CTNNA3: variants seen among roughly 807,000 people sequenced by gnomAD.
The protein encoded by CTNNA3 is catenin alpha-3.
In CTNNA3, 76 loss-of-function variants were observed where a neutral mutation model predicts 95.7. The ratio of observed to expected loss-of-function variants is 0.79; its 90% CI spans 0.66 to 0.96. The LOEUF (loss-of-function observed/expected upper bound fraction) is 0.96. Among genes scored for constraint, CTNNA3 ranks in the 40% least tolerant of loss-of-function variants. CTNNA3 has a pLI of 0.00. For synonymous variants in CTNNA3, 431 were observed against 374.4 expected (o/e 1.15, Z -1.74); for missense variants, 1,191 against 1,089.8 (o/e 1.09, Z -1.31).
chr10:66,229,440 TC>T (rs1469830795), intron 13 of CTNNA3, among the ~76,000 whole-genome samples: 1 of 152,206 alleles, frequency 6.6e-6, no homozygotes, highest in Non-Finnish European at 1.5e-5. Flanking sequence ...TTTTTGCTTG[TC>T]TAAAAAAGAT....
chr10:66,127,129 A>C (rs1328683793), intron 13 of CTNNA3, among the ~76,000 whole-genome samples: 1 of 151,946 alleles, frequency 6.6e-6, no homozygotes, highest in Non-Finnish European at 1.5e-5. Context: ...AAAATTAGCC[A>C]GGCTTGGTGG....
intron 5 of CTNNA3, among the ~76,000 whole-genome samples, chr10:67,407,591 A>G (rs1302503807): frequency 2.0e-5 from 3 of 152,204 alleles, no homozygotes; most frequent in African/African-American, 7.2e-5. Flanking sequence ...AAAAGAAATA[A>G]TGTGTATTCA....
intron 13 of CTNNA3, among the ~76,000 whole-genome samples, chr10:66,186,149 C>G (rs1042341059): frequency 2.0e-5 from 3 of 151,968 alleles, no homozygotes; most frequent in African/African-American, 7.2e-5. Context: ...AGAGAACTGA[C>G]AAGTGTTTGA....
chr10:66,069,412 A>G lies in CTNNA3; in HGVS notation c.2055T>C (p.Ser685=). ...EQVADFKKVK[S]KLDAEIEIWD... The stretch of plus-strand genomic sequence containing the variant: ...ATATCTCAATCTCAGCATCCAGCTT[A>G]CTCTTTACTTTCTTGAAATCAGCAA... The change falls in exon 15 of 18, where the codon AGT becomes AGC. Residue 685 remains serine (S), a synonymous_variant. Transcript: ENST00000433211. The G allele has an allele frequency of 6.2e-7, 1 of 1,613,474 alleles. No homozygotes were observed.
intron 11 of CTNNA3, among the ~76,000 whole-genome samples, chr10:66,477,022 A>G (rs1207306053): frequency 1.3e-5 from 2 of 152,124 alleles, no homozygotes; most frequent in Non-Finnish European, 2.9e-5. Flanking sequence ...GCTTTGATAT[A>G]GTCTGATATT....
intron 7 of CTNNA3, among the ~76,000 whole-genome samples, chr10:67,007,629 C>T (rs560373490): frequency 6.6e-6 from 1 of 151,922 alleles, no homozygotes; most frequent in Non-Finnish European, 1.5e-5. Flanking sequence ...GAAACCCTTG[C>T]CAGTGTTTCC....
rs146759603 is a variant in CTNNA3 at position 65,938,455 on chromosome 10, C to A, written c.2401-17838G>T. ...AGAATCAATTTGTCACATCTATAACCTTGACACTATTGAAAATAAGTATAT... is the reference window on the plus strand; with the variant it reads ...AGAATCAATTTGTCACATCTATAACATTGACACTATTGAAAATAAGTATAT... On this transcript the variant is annotated intron_variant, in intron 17 of 17. Transcript: ENST00000433211. 6.0e-4 allele frequency among the ~76,000 whole-genome samples: 91 copies of A among 152,254 alleles called. 1 individual carries two copies. The highest frequency in any genetic ancestry group is 2.1e-3 in the African/African-American group (88 of 41,550).
intron 11 of CTNNA3, among the ~76,000 whole-genome samples, chr10:66,442,061 C>T (rs941997666): frequency 6.6e-6 from 1 of 152,122 alleles, no homozygotes; most frequent in Non-Finnish European, 1.5e-5. Context: ...CCTCTTTCTC[C>T]TGGGGTTCTG....
chr10:66,595,056 C>T (rs1843667387), intron 10 of CTNNA3, among the ~76,000 whole-genome samples: 1 of 151,928 alleles, frequency 6.6e-6, no homozygotes, highest in African/African-American at 2.4e-5. Flanking sequence ...GCCCTCAACC[C>T]CCAGAAGAAA....
intron 11 of CTNNA3, among the ~76,000 whole-genome samples, chr10:66,496,007 G>A (rs2131950088): frequency 6.6e-6 from 1 of 152,254 alleles, no homozygotes; most frequent in Non-Finnish European, 1.5e-5. Context: ...CCACCATGCA[G>A]TAATGACAAC....
At chr10:66,115,586 TAGATAG>T (rs71035111) in intron 13 of CTNNA3, among the ~76,000 whole-genome samples, 14,481 of 118,100 alleles carry the variant, frequency 0.12, 1,091 homozygotes, top group African/African-American at 0.21. Flanking sequence ...AGATGATAGA[TAGATAG>T]AGATAGAGAT....
At chr10:67,123,412 G>C (rs982821419) in intron 7 of CTNNA3, among the ~76,000 whole-genome samples, 5 of 152,106 alleles carry the variant, frequency 3.3e-5, no homozygotes, top group African/African-American at 1.2e-4. Context: ...AAATAGCAGA[G>C]TCAATTCACC....
chr10:67,242,583 T>A (rs770758289), intron 5 of CTNNA3, among the ~76,000 whole-genome samples: 1 of 152,186 alleles, frequency 6.6e-6, no homozygotes, highest in Non-Finnish European at 1.5e-5. Flanking sequence ...TCAGATCCAA[T>A]TGACCAAACC....
chr10:66,115,686 G>A (rs944458849), intron 13 of CTNNA3, among the ~76,000 whole-genome samples: 1 of 152,040 alleles, frequency 6.6e-6, no homozygotes, highest in Non-Finnish European at 1.5e-5. Flanking sequence ...TAAGCTGCCA[G>A]GTATAGTATC....
intron 6 of CTNNA3, among the ~76,000 whole-genome samples, chr10:67,187,888 C>G (rs183892988): frequency 5.6e-4 from 85 of 152,134 alleles, no homozygotes; most frequent in African/African-American, 2.0e-3. Flanking sequence ...GCCCAGTGTT[C>G]CCCTTTATTT....
intron 7 of CTNNA3, among the ~76,000 whole-genome samples, chr10:66,988,891 C>G (rs994298863): frequency 6.6e-6 from 1 of 152,034 alleles, no homozygotes; most frequent in African/African-American, 2.4e-5. Context: ...CTTAAATACA[C>G]CGGGTTCCCC....
chr10:67,302,363 G>A (rs1037016875), intron 5 of CTNNA3, among the ~76,000 whole-genome samples: 9 of 152,042 alleles, frequency 5.9e-5, no homozygotes, highest in Non-Finnish European at 1.3e-4. Context: ...GTACAATATG[G>A]TGACTACAAT....
At chr10:66,467,151 CCTA>C (rs1348889343) in intron 11 of CTNNA3, among the ~76,000 whole-genome samples, 4 of 152,030 alleles carry the variant, frequency 2.6e-5, no homozygotes, top group Non-Finnish European at 5.9e-5. Flanking sequence ...TCCTTTAACT[CCTA>C]CTTAGAATTT....
intron 16 of CTNNA3, among the ~76,000 whole-genome samples, chr10:65,977,839 A>T (rs1315871701): frequency 6.6e-6 from 1 of 152,104 alleles, no homozygotes. Context: ...GCAATTACAG[A>T]CAATAGCCTA....
Sources: gnomAD v4.1 joint callset for allele counts (sites outside exome capture counted in the v4.1 genomes callset) on GRCh38, gnomAD v4.1.1 for gene constraint, MANE v1.5 for transcripts, NCBI Gene and HGNC (gene_info 2026-07-23, HGNC 2026-07-21) for gene names.